Variants in DSCAM observed in about 807,000 individuals in gnomAD.
DSCAM encodes the protein cell adhesion molecule DSCAM.
Under a neutral mutation model 217.7 loss-of-function variants are expected in DSCAM, and 47 were observed. The observed-to-expected ratio is 0.22, with a 90% CI of 0.17 to 0.28. The LOEUF (loss-of-function observed/expected upper bound fraction) is 0.28. Ranked by LOEUF, DSCAM falls within the 10% of genes least tolerant of loss-of-function variation. The probability of loss-of-function intolerance (pLI) is 1.00; values close to 1 mark genes in which losing one functional copy is unlikely to be tolerated. For missense variants in DSCAM, 2,080 were observed against 2,618.3 expected (o/e 0.79, Z 4.49); for synonymous variants, 1,056 against 1,015.3 (o/e 1.04, Z -0.76).
intron 3 of DSCAM, among the ~76,000 whole-genome samples, chr21:40,520,030 A>G (rs2076346563): frequency 6.6e-6 from 1 of 152,118 alleles, no homozygotes; most frequent in South Asian, 2.1e-4. Flanking sequence ...ATATAAGCAC[A>G]TATTTATATT....
At chr21:40,142,782 TTAATA>T (rs1389181487) in intron 17 of DSCAM, 78 bp from the exon 18 acceptor site, 2 of 1,499,118 alleles carry the variant, frequency 1.3e-6, no homozygotes, top group African/African-American at 2.8e-5. Context: ...GCAACGTATT[TTAATA>T]TTTCAATATG....
At chr21:40,422,012 C>A (rs1186210857) in intron 3 of DSCAM, among the ~76,000 whole-genome samples, 11 of 152,192 alleles carry the variant, frequency 7.2e-5, no homozygotes, top group Admixed American at 7.2e-4. Flanking sequence ...AAACTGAATG[C>A]CTCATTGACA....
chr21:40,306,318 C>T lies in DSCAM; in HGVS notation c.2062+5763G>A, dbSNP rs1341413588. ...GTATCCTGAGACTTTGCTGAAGTTG[C>T]TTATCAGCTTAAGAAGATTTTGGGC... On this transcript the variant is annotated intron_variant, in intron 9 of 32. Coordinates refer to ENST00000400454, the MANE Select transcript of DSCAM (RefSeq NM_001389.5). 7.3e-5 allele frequency among the ~76,000 whole-genome samples: 11 copies of T among 150,542 alleles called. No homozygotes were observed. In the South Asian group the frequency reaches 1.9e-3, roughly 26 times the overall value.
chr21:40,845,436 C>G (rs996171052), intron 1 of DSCAM, among the ~76,000 whole-genome samples: 1 of 151,862 alleles, frequency 6.6e-6, no homozygotes, highest in African/African-American at 2.4e-5. Flanking sequence ...ACAGAGCTTC[C>G]CTGTGTGTCT....
At chr21:40,073,952 G>A (rs547200156) in intron 27 of DSCAM, among the ~76,000 whole-genome samples, 1 of 152,330 alleles carries the variant, frequency 6.6e-6, no homozygotes, top group African/African-American at 2.4e-5. Flanking sequence ...GAAGTACAAT[G>A]TACTTCAGAA....
intron 1 of DSCAM, 32 bp from the exon 2 acceptor site, chr21:40,708,803 G>C (rs1370298414): frequency 7.1e-7 from 1 of 1,407,698 alleles, no homozygotes; most frequent in Non-Finnish European, 9.4e-7. Flanking sequence ...ATCCATAGGT[G>C]AGTAAAACAT....
At chr21:40,296,748 T>A (rs1290286046) in intron 9 of DSCAM, among the ~76,000 whole-genome samples, 1 of 149,546 alleles carries the variant, frequency 6.7e-6, no homozygotes, top group East Asian at 2.0e-4. Flanking sequence ...GGAGAATTGC[T>A]TGGACCCGGG....
chr21:40,221,189 A>G (rs895681917), intron 11 of DSCAM, among the ~76,000 whole-genome samples: 1 of 152,108 alleles, frequency 6.6e-6, no homozygotes, highest in African/African-American at 2.4e-5. Flanking sequence ...AGTTGAGTAG[A>G]GTGAAACCAT....
At position 40,576,782 on chromosome 21, in the gene DSCAM, C is replaced by T. The variant is rs1042095916; in HGVS notation, c.508+116028G>A. Among the ~76,000 whole-genome samples, 13 of 151,988 alleles carry T rather than the reference C, an allele frequency of 8.6e-5. No homozygotes were observed. The East Asian group carries it at 2.5e-3, about 29-fold the overall frequency. ...AAAAGATATAAATGCGCAATTTTTACGTAAGGTTCAAATAAATTATTTCAA... is the reference window on the plus strand; with the variant it reads ...AAAAGATATAAATGCGCAATTTTTATGTAAGGTTCAAATAAATTATTTCAA... On this transcript the variant is annotated intron_variant, in intron 3 of 32. Coordinates refer to ENST00000400454, the MANE Select transcript of DSCAM (RefSeq NM_001389.5).
At chr21:40,293,879 A>G (rs552355066) in intron 10 of DSCAM, among the ~76,000 whole-genome samples, 2 of 152,320 alleles carry the variant, frequency 1.3e-5, no homozygotes, top group South Asian at 4.1e-4. Flanking sequence ...CAAGACATAC[A>G]TAGTATATTG....
Position 40,227,939 on chromosome 21 carries a change from C to T in DSCAM, c.2357-38701G>A, listed in dbSNP as rs73904751. 3.1e-3 allele frequency among the ~76,000 whole-genome samples: 473 copies of T among 152,324 alleles called. 3 individuals are homozygous for T. Among genetic ancestry groups the T allele is most frequent in the African/African-American group, 0.011 (459 of 41,574 alleles). ...CCCATCCAGGATCCCATTCTACATT[C>T]TGCCATCATGTCTTCTTAAGCTCCT... On this transcript the variant is annotated intron_variant, in intron 11 of 32. Transcript: ENST00000400454.
At chr21:40,028,921 G>A (rs2088459620) in intron 32 of DSCAM, among the ~76,000 whole-genome samples, 1 of 151,746 alleles carries the variant, frequency 6.6e-6, no homozygotes, top group African/African-American at 2.4e-5. Context: ...CCCTTGAAAT[G>A]AGGATAGCTA....
intron 1 of DSCAM, among the ~76,000 whole-genome samples, chr21:40,763,577 A>G (rs754709303): frequency 4.6e-5 from 7 of 152,264 alleles, no homozygotes; most frequent in Admixed American, 2.0e-4. Context: ...CTTTCTTCAC[A>G]GAACTAGAGA....
intron 27 of DSCAM, among the ~76,000 whole-genome samples, chr21:40,073,853 T>G (rs1393336214): frequency 6.6e-6 from 1 of 152,174 alleles, no homozygotes; most frequent in East Asian, 1.9e-4. Flanking sequence ...TTCGCACGAT[T>G]GCGAAAGAAC....
chr21:40,402,045 ATTCCTTTTTTTTTT>A (rs1230772625), intron 3 of DSCAM, among the ~76,000 whole-genome samples: 2 of 79,088 alleles, frequency 2.5e-5, no homozygotes, highest in Non-Finnish European at 5.4e-5. Flanking sequence ...TATTATTCTT[ATTCCTTTTTTTTTT>A]TTTTTTTTTT....
At chr21:40,361,323 C>A (rs565077140) in intron 4 of DSCAM, among the ~76,000 whole-genome samples, 9 of 152,062 alleles carry the variant, frequency 5.9e-5, no homozygotes, top group Admixed American at 5.2e-4. Flanking sequence ...GTATATGCAA[C>A]AAAAGGGAAA....
intron 3 of DSCAM, among the ~76,000 whole-genome samples, chr21:40,613,038 T>TA (rs1408183767): frequency 3.3e-5 from 5 of 152,298 alleles, no homozygotes; most frequent in African/African-American, 1.2e-4. Context: ...GAGTAACAGA[T>TA]AGATGGCTGT....
chr21:40,243,619 C>T (rs990433305), intron 11 of DSCAM, among the ~76,000 whole-genome samples: 13 of 152,196 alleles, frequency 8.5e-5, no homozygotes, highest in African/African-American at 2.9e-4. Context: ...TTTGCTCCCC[C>T]ATAAAGCCAG....
In DSCAM at chr21:40,249,730, G is replaced by T. The variant is rs1053396558; in HGVS notation, c.2356+26367C>A. Among the ~76,000 whole-genome samples the T allele has an allele frequency of 2.6e-5, 4 of 152,222 alleles. No individual in the cohort carries two copies. In the East Asian group the frequency reaches 5.8e-4, roughly 22 times the overall value. On this transcript the variant is annotated intron_variant, in intron 11 of 32. Coordinates refer to ENST00000400454, the MANE Select transcript of DSCAM (RefSeq NM_001389.5). ...AGCTCTCTTTGCAACCTGGTATGCT[G>T]GGAGTTAAGCTTTAGGAAACACAGA...
Sources: allele counts gnomAD v4.1 joint callset (sites outside exome capture counted in the v4.1 genomes callset), GRCh38; gene constraint gnomAD v4.1.1; transcripts MANE v1.5; gene names NCBI Gene and HGNC (gene_info 2026-07-23, HGNC 2026-07-21).